Variants in ASXL2 observed in about 807,000 individuals in gnomAD.
ASXL2 encodes the protein ASXL transcriptional regulator 2, also known as putative Polycomb group protein ASXL2.
In ASXL2, 23 loss-of-function variants were observed where a neutral mutation model predicts 122.0. The ratio of observed to expected loss-of-function variants is 0.19; its 90% CI spans 0.14 to 0.27. The LOEUF (loss-of-function observed/expected upper bound fraction) is 0.27, where lower values mean the gene tolerates loss of function less well. ASXL2 is among the 10% of genes least tolerant of loss of function. ASXL2 has a pLI of 1.00. For missense variants in ASXL2, 1,518 were observed against 1,713.8 expected (o/e 0.89, Z 2.02); for synonymous variants, 650 against 637.0 (o/e 1.02, Z -0.31).
chr2:25,810,129 T>A, intron 3 of ASXL2: 1 of 556,828 alleles, frequency 1.8e-6, no homozygotes, highest in South Asian at 1.4e-5. Flanking sequence ...GTCTTCTTTT[T>A]GAGAGTACTT....
At position 25,806,363 on chromosome 2, in the gene ASXL2, A is replaced by G. The variant is rs1175586407; in HGVS notation, c.144-26T>C. ...CTGCAAAACAAAGAAGAGATGTGAT[A>G]AGGAACACAACAATTAATTTCTGTC... On this transcript the variant is annotated intron_variant, in intron 3 of 12. Transcript: ENST00000435504. 2.0e-6 allele frequency: 3 copies of G among 1,485,892 alleles called. No homozygotes were observed. The South Asian group carries it at 3.5e-5, about 17-fold the overall frequency. 92.0% of individuals were successfully genotyped at this position (1,485,892 alleles called of 1,614,324 possible). A position where few individuals can be genotyped will look rare whatever the true frequency, so the allele number is the denominator to read the frequency against.
chr2:25,781,641 A>C, intron 5 of ASXL2, among the ~76,000 whole-genome samples: 1 of 148,038 alleles, frequency 6.8e-6, no homozygotes, highest in Middle Eastern at 3.6e-3. Context: ...CTGTCTCCTA[A>C]GTAGCTGGGA....
intron 5 of ASXL2, among the ~76,000 whole-genome samples, chr2:25,773,441 G>A (rs372062966): frequency 2.6e-5 from 4 of 151,836 alleles, no homozygotes; most frequent in East Asian, 1.9e-4. Context: ...CAAGGCGGGC[G>A]GATCACAAGG....
intron 1 of ASXL2, among the ~76,000 whole-genome samples, chr2:25,868,232 C>T (rs2089925384): frequency 6.6e-6 from 1 of 152,224 alleles, no homozygotes; most frequent in Non-Finnish European, 1.5e-5. Context: ...CACCATTGAA[C>T]ACTTATTTGA....
At chr2:25,872,253 G>T (rs1192029899) in intron 1 of ASXL2, among the ~76,000 whole-genome samples, 1 of 152,076 alleles carries the variant, frequency 6.6e-6, no homozygotes, top group African/African-American at 2.4e-5. Flanking sequence ...GTGGTAGTGC[G>T]TGCTTGTGGT....
intron 1 of ASXL2, among the ~76,000 whole-genome samples, chr2:25,866,015 C>T (rs2089899934): frequency 6.6e-6 from 1 of 151,998 alleles, no homozygotes; most frequent in Non-Finnish European, 1.5e-5. Context: ...GGTACAAACG[C>T]ATCATTTCCC....
At chr2:25,823,418 A>G (rs2089335987) in intron 3 of ASXL2, among the ~76,000 whole-genome samples, 1 of 152,224 alleles carries the variant, frequency 6.6e-6, no homozygotes, top group Admixed American at 6.5e-5. Flanking sequence ...CTCTGGTGTT[A>G]TCCTTCAGGA....
chr2:25,767,676 A>G lies in ASXL2; in HGVS notation c.682T>C (p.Ser228Pro). The G allele has an allele frequency of 6.2e-7, 1 of 1,613,896 alleles. No homozygotes were observed. Reference protein sequence around the residue: ...SDGQTGSPQNSNSSFSSSVKV... With the variant: ...SDGQTGSPQNPNSSFSSSVKV... ...ACTGAGGAAGAAAAGCTGGAGTTTG[A>G]GTTTTGAGGGCTGCCTGTCTGTCCA... The change falls in exon 8 of 13, where the codon TCA becomes CCA. Residue 228 changes from serine to proline, a missense_variant. By Grantham distance (74) the Ser-to-Pro change is moderately conservative. Transcript: ENST00000435504.
intron 3 of ASXL2, among the ~76,000 whole-genome samples, chr2:25,817,207 CA>C (rs2089249372): frequency 6.6e-6 from 1 of 151,914 alleles, no homozygotes; most frequent in Admixed American, 6.6e-5. Flanking sequence ...GAAATCCAGC[CA>C]AAAAGAAATG....
At chr2:25,767,886 A>T (rs1404435025) in intron 7 of ASXL2, among the ~76,000 whole-genome samples, 160 bp from the exon 8 acceptor site, 1 of 152,230 alleles carries the variant, frequency 6.6e-6, no homozygotes, top group African/African-American at 2.4e-5. Flanking sequence ...GAGTAAAATA[A>T]AACCCTGTTT....
At chr2:25,785,691 TGCCCACCACCAC>T (rs1438067973) in intron 5 of ASXL2, among the ~76,000 whole-genome samples, 1 of 151,632 alleles carries the variant, frequency 6.6e-6, no homozygotes, top group Non-Finnish European at 1.5e-5. Flanking sequence ...GGATTACAGG[TGCCCACCACCAC>T]GCCTGGCTCA....
chr2:25,772,301 A>T (rs1266596180), intron 5 of ASXL2, among the ~76,000 whole-genome samples: 1 of 152,202 alleles, frequency 6.6e-6, no homozygotes, highest in African/African-American at 2.4e-5. Context: ...AAAAAATTAT[A>T]ATCACTACTG....
At chr2:25,814,472 G>A (rs926355985) in intron 3 of ASXL2, among the ~76,000 whole-genome samples, 1 of 152,172 alleles carries the variant, frequency 6.6e-6, no homozygotes, top group African/African-American at 2.4e-5. Flanking sequence ...ACTAACACCC[G>A]AAGCAGCTGT....
At chr2:25,776,794 C>T (rs913345473) in intron 5 of ASXL2, among the ~76,000 whole-genome samples, 1 of 152,136 alleles carries the variant, frequency 6.6e-6, no homozygotes, top group African/African-American at 2.4e-5. Flanking sequence ...CCAAATACTG[C>T]CTGATTACAA....
At position 25,745,386 on chromosome 2, in the gene ASXL2, T is replaced by A. The variant is rs546175334; in HGVS notation, c.1861-910A>T. On this transcript the variant is annotated intron_variant, in intron 12 of 12. Coordinates refer to ENST00000435504, the MANE Select transcript of ASXL2 (RefSeq NM_018263.6). The stretch of plus-strand genomic sequence containing the variant: ...GGTCACCACGTCTGGCTAACTTTTG[T>A]ATTTTTAGTAGAGATGGGGTTTCAC... Among the ~76,000 whole-genome samples the A allele has an allele frequency of 9.1e-4, 137 of 151,314 alleles. 1 individual carries two copies. The highest frequency in any genetic ancestry group is 3.2e-3 in the African/African-American group (133 of 41,214).
At chr2:25,866,483 T>C (rs1232724986) in intron 1 of ASXL2, among the ~76,000 whole-genome samples, 2 of 152,200 alleles carry the variant, frequency 1.3e-5, no homozygotes, top group African/African-American at 4.8e-5. Flanking sequence ...ATGGGAGGTC[T>C]ATAAGAAATC....
At chr2:25,809,868 C>G (rs1381650665) in intron 3 of ASXL2, 3 of 486,428 alleles carry the variant, frequency 6.2e-6, no homozygotes, top group Non-Finnish European at 1.2e-5. Flanking sequence ...GGTAGGCTGG[C>G]CTCAGATGGA....
At chr2:25,844,351 C>T (rs2089624562) in intron 2 of ASXL2, among the ~76,000 whole-genome samples, 1 of 152,074 alleles carries the variant, frequency 6.6e-6, no homozygotes, top group Non-Finnish European at 1.5e-5. Flanking sequence ...GAGGACAAAG[C>T]AGGCAGATTG....
rs117295157 is a variant in ASXL2, at chr2:25,813,148, G to A, written c.144-6811C>T. On this transcript the variant is annotated intron_variant, in intron 3 of 12. Coordinates refer to ENST00000435504, the MANE Select transcript of ASXL2 (RefSeq NM_018263.6). ...AGTTCCAATATTAAGTACCCACTCT[G>A]TTTAGGGCAGTAAACTAGGATTAGT... is the stretch of plus-strand genomic sequence containing the variant. Among the ~76,000 whole-genome samples, 135 of 152,278 alleles carry A rather than the reference G, an allele frequency of 8.9e-4. No individual in the cohort carries two copies. The East Asian group carries it at 0.023, about 26-fold the overall frequency.
Sources: allele counts gnomAD v4.1 joint callset (sites outside exome capture counted in the v4.1 genomes callset), GRCh38; gene constraint gnomAD v4.1.1; transcripts MANE v1.5; gene names NCBI Gene and HGNC (gene_info 2026-07-23, HGNC 2026-07-21).